Variants in WDFY4 observed in about 807,000 individuals in gnomAD.
The protein encoded by WDFY4 is WD repeat- and FYVE domain-containing protein 4.
A neutral mutation model predicts 351.9 loss-of-function variants in WDFY4; 169 were observed. The ratio of observed to expected loss-of-function variants is 0.48; its 90% CI spans 0.42 to 0.55. WDFY4 has a LOEUF of 0.55. WDFY4 is among the 20% of genes least tolerant of loss of function. WDFY4 has a pLI of 0.00. For synonymous variants in WDFY4, 1,622 were observed against 1,574.6 expected (o/e 1.03, Z -0.71); for missense variants, 3,803 against 3,935.6 (o/e 0.97, Z 0.90).
Position 48,807,925 on chromosome 10 carries a change from T to C in WDFY4, c.4805T>C (p.Val1602Ala). The C allele has an allele frequency of 6.5e-7, 1 of 1,550,080 alleles. No homozygotes were observed. The highest frequency in any genetic ancestry group is 8.7e-7 in the Non-Finnish European group (1 of 1,146,486). ...CAGTTGCTGGAGATGCTGCTCAGTG[T>C]AATATCTTCCCCCCAGCTTCATCTG... ...RNQLLEMLLS[V>A]ISSPQLHLSS... is the part of the protein sequence containing the mutation. Residue 1602 changes from valine (V) to alanine (A), a missense_variant, in exon 28 of 62, where the codon GTA becomes GCA. Around this residue, in one of 3 missense-constraint regions of WDFY4, gnomAD observed 3,054 missense variants for 3,148.6 expected, o/e 0.97. Transcript: ENST00000325239.
chr10:48,979,420 C>A (rs1253449425), intron 60 of WDFY4, among the ~76,000 whole-genome samples: 4 of 152,256 alleles, frequency 2.6e-5, no homozygotes, highest in Non-Finnish European at 5.9e-5. Context: ...CTGCATGAGA[C>A]TGCACACCAT....
chr10:48,785,085 C>T (rs961267099), intron 19 of WDFY4, among the ~76,000 whole-genome samples: 3 of 151,926 alleles, frequency 2.0e-5, no homozygotes, highest in Admixed American at 6.6e-5. Flanking sequence ...TGGTCTCGAT[C>T]TCCTGACCTC....
chr10:48,820,413 G>A lies in WDFY4; in HGVS notation c.5685G>A (p.Trp1895Ter). 6.4e-7 allele frequency: 1 copy of A among 1,551,484 alleles called. No individual in the cohort carries two copies. Among genetic ancestry groups the A allele is most frequent in the Non-Finnish European group, 8.7e-7 (1 of 1,146,942 alleles). Residue 1895 changes from tryptophan (W) to a stop codon, truncating the protein, a stop_gained, in exon 33 of 62, where the codon TGG becomes TGA. Transcript: ENST00000325239. LOFTEE classifies it high-confidence loss of function. ...LLLGASSPKQ[W>*]LPLEVLLEAS... ...TTGGAGCCTCCAGCCCCAAGCAGTGGCTGCCCCTGGAGGTGCTCCTGGAGG... is the reference window on the plus strand; with the variant it reads ...TTGGAGCCTCCAGCCCCAAGCAGTGACTGCCCCTGGAGGTGCTCCTGGAGG...
chr10:48,824,000 C>T (rs1028821577), intron 35 of WDFY4: 21 of 985,336 alleles, frequency 2.1e-5, no homozygotes, highest in East Asian at 1.1e-4. Context: ...CATTTTCTAT[C>T]GGACTGAAAA....
chr10:48,881,832 C>G (rs996930513), intron 43 of WDFY4, among the ~76,000 whole-genome samples: 8 of 152,180 alleles, frequency 5.3e-5, no homozygotes, highest in Non-Finnish European at 1.0e-4. Flanking sequence ...TGTCTCCCAG[C>G]CTGGCGGCCT....
Position 48,873,672 on chromosome 10 carries a change from A to C in WDFY4, c.6923A>C (p.Glu2308Ala). The C allele has an allele frequency of 1.3e-6, 2 of 1,551,816 alleles. No homozygotes were observed. The highest frequency in any genetic ancestry group is 1.7e-6 in the Non-Finnish European group (2 of 1,147,022). The change falls in exon 41 of 62, where the codon GAG becomes GCG. Residue 2308 changes from glutamate to alanine, a missense_variant. Glu to Ala is a moderately radical substitution (Grantham distance 107). Transcript: ENST00000325239. ...RKRIKRLSPL[E>A]ALSSGRHKES... ...CGCATCAAACGCTTGTCTCCTTTGG[A>C]GGCCCTGAGCTCAGGAAGGCACAAG...
At chr10:48,730,193 G>C (rs1056981299) in intron 8 of WDFY4, among the ~76,000 whole-genome samples, 1 of 152,248 alleles carries the variant, frequency 6.6e-6, no homozygotes, top group African/African-American at 2.4e-5. Context: ...GGTTGTCTAG[G>C]TTGAGATGAA....
intron 51 of WDFY4, among the ~76,000 whole-genome samples, chr10:48,948,631 T>A (rs962952576): frequency 2.6e-5 from 4 of 152,328 alleles, no homozygotes; most frequent in Middle Eastern, 6.8e-3. Context: ...AGATGCAAAA[T>A]CTTCTGCAAG....
At chr10:48,847,294 C>T (rs1378955574) in intron 39 of WDFY4, among the ~76,000 whole-genome samples, 2 of 152,164 alleles carry the variant, frequency 1.3e-5, no homozygotes, top group African/African-American at 4.8e-5. Context: ...AATGGCTTCA[C>T]TTTAACTTTA....
intron 10 of WDFY4, among the ~76,000 whole-genome samples, chr10:48,734,795 G>C (rs78541913): frequency 7.8e-6 from 1 of 128,160 alleles, no homozygotes; most frequent in African/African-American, 3.1e-5. Context: ...TTTTTTTTTT[G>C]AGGCAGAGTC....
intron 52 of WDFY4, among the ~76,000 whole-genome samples, chr10:48,958,399 G>A (rs1308459210): frequency 6.6e-6 from 1 of 152,190 alleles, no homozygotes; most frequent in Non-Finnish European, 1.5e-5. Context: ...GCAGCCAGGA[G>A]GAGGCGGCTG....
chr10:48,799,073 A>G (rs561259165), intron 24 of WDFY4, among the ~76,000 whole-genome samples: 2 of 152,296 alleles, frequency 1.3e-5, no homozygotes, highest in East Asian at 3.9e-4. Context: ...GTCTGGCTCC[A>G]AGGTGTCCTG....
intron 12 of WDFY4, among the ~76,000 whole-genome samples, chr10:48,750,080 C>G (rs2065133619): frequency 6.6e-6 from 1 of 152,238 alleles, no homozygotes; most frequent in Non-Finnish European, 1.5e-5. Context: ...TCCTCTGGCT[C>G]TGCTGCTGGG....
At chr10:48,720,345 C>G (rs1030873344) in intron 3 of WDFY4, among the ~76,000 whole-genome samples, 5 of 152,154 alleles carry the variant, frequency 3.3e-5, no homozygotes, top group Admixed American at 3.3e-4. Context: ...GGGACACAGA[C>G]ATAGACAAAC....
chr10:48,854,212 C>T (rs1185353685), intron 39 of WDFY4, among the ~76,000 whole-genome samples: 1 of 151,724 alleles, frequency 6.6e-6, no homozygotes, highest in Non-Finnish European at 1.5e-5. Context: ...GGGTTCAAGC[C>T]ACCCTCCTAC....
At chr10:48,897,696 G>C in intron 45 of WDFY4, 122 bp downstream of exon 45, 1 of 1,429,206 alleles carries the variant, frequency 7.0e-7, no homozygotes, top group Non-Finnish European at 9.2e-7. Flanking sequence ...GCACAGCCCA[G>C]TGCCCTTAAG....
At position 48,743,068 on chromosome 10, in the gene WDFY4, C is replaced by T; in HGVS notation, c.1979C>T (p.Ser660Phe). 1 of 1,551,662 alleles carries T rather than the reference C, an allele frequency of 6.4e-7. No individual in the cohort carries two copies. Among genetic ancestry groups the T allele is most frequent in the Non-Finnish European group, 8.7e-7 (1 of 1,146,986 alleles). ...LLSLLSDLEGSLQEPPLQAWG... is the reference protein window; with the variant it reads ...LLSLLSDLEGFLQEPPLQAWG... ...TCTCTGCTCTCTGACCTGGAAGGCT[C>T]CCTCCAGGAGCCCCCGCTGCAGGCA... Residue 660 changes from serine (S) to phenylalanine (F), a missense_variant, in exon 12 of 62, where the codon TCC becomes TTC. Physicochemically the swap from Ser to Phe is radical, Grantham distance 155 (BLOSUM62 -2). Around this residue, in one of 3 missense-constraint regions of WDFY4, gnomAD observed 3,054 missense variants for 3,148.6 expected, o/e 0.97. Transcript: ENST00000325239.
chr10:48,876,999 TG>T (rs1409140765), intron 42 of WDFY4, 33 bp from the exon 43 acceptor site: 1 of 1,443,682 alleles, frequency 6.9e-7, no homozygotes, highest in Non-Finnish European at 9.1e-7. Flanking sequence ...AGGTGGCTCC[TG>T]TCAACACCAC....
chr10:48,686,363 C>T (rs1565089446), intron 1 of WDFY4, among the ~76,000 whole-genome samples: 1 of 150,284 alleles, frequency 6.7e-6, no homozygotes, highest in Non-Finnish European at 1.5e-5. Context: ...TTAGAAAGAC[C>T]ATAATAAGAT....
Sources: allele counts gnomAD v4.1 joint callset (sites outside exome capture counted in the v4.1 genomes callset), GRCh38; gene constraint gnomAD v4.1.1; regional missense constraint gnomAD v4.1.1; transcripts MANE v1.5; gene names NCBI Gene and HGNC (gene_info 2026-07-23, HGNC 2026-07-21).